The following NPHS1 variants were observed in gnomAD, a reference collection of about 807,000 sequenced individuals.
NPHS1 encodes nephrin.
In NPHS1, 107 loss-of-function variants were observed where a neutral mutation model predicts 139.7. The ratio of observed to expected loss-of-function variants is 0.77; its 90% CI spans 0.66 to 0.90. The LOEUF is 0.90. Among genes scored for constraint, NPHS1 ranks in the 40% least tolerant of loss-of-function variants. NPHS1 has a pLI of 0.00. For missense variants in NPHS1, 1,580 were observed against 1,654.2 expected (o/e 0.96, Z 0.78); for synonymous variants, 707 against 706.6 (o/e 1.00, Z -0.01).
In NPHS1 at chr19:35,831,122, AC is replaced by A; in HGVS notation, c.3411del (p.Tyr1138IlefsTer5). 6.2e-7 allele frequency: 1 copy of A among 1,614,028 alleles called. No homozygotes were observed. The highest frequency in any genetic ancestry group is 2.2e-5 in the East Asian group (1 of 44,874). Reference protein sequence around the residue: ...SSTVSTTEAEPYYRSLRDFSP... With the variant: ...SSTVSTTEAEXYYRSLRDFSP... ...CTGAAGTCCCTCAGGGAGCGGTAAT[AC>A]GGCTCTGCCTCTGTTGTGCTGACCT... On this transcript the variant is annotated frameshift_variant, in exon 27 of 29. Transcript: ENST00000378910. LOFTEE classifies it high-confidence loss of function.
In NPHS1 at chr19:35,841,336, G is replaced by A. The variant is rs145827417; in HGVS notation, c.2815+379C>T. On this transcript the variant is annotated intron_variant, in intron 20 of 28. Coordinates refer to ENST00000378910, the MANE Select transcript of NPHS1 (RefSeq NM_004646.4). ...TGCAGTGAGCCAAGATCGCGCCATC[G>A]CACTCCAGCCTGGGTGACAAGAGTG... 2.4e-4 allele frequency among the ~76,000 whole-genome samples: 36 copies of A among 152,166 alleles called. No homozygotes were observed. The East Asian group carries it at 3.3e-3, about 14-fold the overall frequency.
rs386833959 is a variant in NPHS1 at position 35,849,340 on chromosome 19, C to T, written c.736G>A (p.Glu246Lys). 1.6e-5 allele frequency: 26 copies of T among 1,612,504 alleles called. No homozygotes were observed. The highest frequency in any genetic ancestry group is 1.1e-4 in the East Asian group (5 of 44,890). The change falls in exon 7 of 29, where the codon GAG becomes AAG. Residue 246 changes from glutamate to lysine, a missense_variant. Physicochemically the swap from Glu to Lys is moderately conservative, Grantham distance 56. Coordinates refer to ENST00000378910, the MANE Select transcript of NPHS1 (RefSeq NM_004646.4). The part of the protein sequence containing the change: ...VLFPPGPPVI[E>K]WPGLDEGHVR... ...TGCCCCTCATCCAGGCCTGGCCACTCGATGACAGGGGGTCCTGGAGGGACT... is the reference window on the plus strand; with the variant it reads ...TGCCCCTCATCCAGGCCTGGCCACTTGATGACAGGGGGTCCTGGAGGGACT...
At chr19:35,831,995 C>T (rs574900198) in intron 23 of NPHS1, among the ~76,000 whole-genome samples, 8 of 152,304 alleles carry the variant, frequency 5.3e-5, no homozygotes, top group South Asian at 2.1e-4. Flanking sequence ...AAACTCAGAA[C>T]GGAACTCTGG....
In NPHS1 at chr19:35,825,746, T is replaced by A. The variant is rs531022050; in HGVS notation, c.*768A>T. Among the ~76,000 whole-genome samples the A allele has an allele frequency of 8.3e-4, 127 of 152,336 alleles. No homozygotes were observed. Among genetic ancestry groups the A allele is most frequent in the African/African-American group, 2.9e-3 (122 of 41,582 alleles). On this transcript the variant is annotated 3_prime_UTR_variant, in exon 29 of 29. Coordinates refer to ENST00000378910, the MANE Select transcript of NPHS1 (RefSeq NM_004646.4). ...TACATGTGTCATAGTTTATGCCTCC[T>A]GTGTTAGATAACTGTCGGAAATAAT...
At chr19:35,829,118 T>G (rs1283343528) in intron 28 of NPHS1, among the ~76,000 whole-genome samples, 1 of 152,240 alleles carries the variant, frequency 6.6e-6, no homozygotes, top group Non-Finnish European at 1.5e-5. Flanking sequence ...CTGTGAGCTC[T>G]CTGTCCCTCT....
rs573178178 is a variant in NPHS1 at position 35,844,483 on chromosome 19, G to T, written c.1931-24C>A. 22 of 1,548,094 alleles carry T rather than the reference G, an allele frequency of 1.4e-5. No homozygotes were observed. The African/African-American group carries it at 2.6e-4, about 18-fold the overall frequency. On this transcript the variant is annotated intron_variant, in intron 14 of 28. Transcript: ENST00000378910. Reference sequence around the variant, plus strand: ...GTCTTCAGAGGGGGCGCCGCAGGGAGTCAAGATTGTTGTTAAGGTTAGGGT... The same window carrying T: ...GTCTTCAGAGGGGGCGCCGCAGGGATTCAAGATTGTTGTTAAGGTTAGGGT...
In NPHS1 at chr19:35,830,865, G is replaced by A; in HGVS notation, c.3573C>T (p.Pro1191=). ...RTYPPSGAWG[P]LYDEVQMGPW... ...TCACCATCTGCACTTCATCGTAGAG[G>A]GGTCCCCAGGCTCCAGACGGGGGGT... Residue 1191 remains proline, a synonymous_variant, in exon 28 of 29, where the codon CCC becomes CCT. Coordinates refer to ENST00000378910, the MANE Select transcript of NPHS1 (RefSeq NM_004646.4). 1.2e-6 allele frequency: 2 copies of A among 1,611,510 alleles called. No homozygotes were observed. The highest frequency in any genetic ancestry group is 1.7e-6 in the Non-Finnish European group (2 of 1,177,582).
At chr19:35,834,445 CTA>C (rs1317051383) in intron 23 of NPHS1, among the ~76,000 whole-genome samples, 7 of 152,166 alleles carry the variant, frequency 4.6e-5, no homozygotes, top group Non-Finnish European at 8.8e-5. Context: ...AAGAATGTTG[CTA>C]TAAGCACCCA....
chr19:35,845,911 G>C lies in NPHS1; in HGVS notation c.1627+97C>G. 1.3e-6 allele frequency: 2 copies of C among 1,521,572 alleles called. No homozygotes were observed. The highest frequency in any genetic ancestry group is 8.8e-7 in the Non-Finnish European group (1 of 1,130,876). 94.3% of individuals were successfully genotyped at this position (1,521,572 alleles called of 1,614,324 possible). A position where few individuals can be genotyped will look rare whatever the true frequency, so the allele number is the denominator to read the frequency against. ...GTCTCGGGTCCCCCACCCCGCCTCC[G>C]CCCGCTTTCCCCGGGTCCAGGGTTC... On this transcript the variant is annotated intron_variant, in intron 12 of 28. Transcript: ENST00000378910. This position sits in a 1 kb window ranked among gnomAD's most constrained non-coding sequence, Gnocchi z 5.5.
rs1665396381 is a variant in NPHS1, at chr19:35,826,426, A to G, written c.*88T>C. On this transcript the variant is annotated 3_prime_UTR_variant, in exon 29 of 29. Transcript: ENST00000378910. ...AGTCCCTTTGGGTTTTATGGAGCTC[A>G]CCTAACCAGCTCGGCCCAGGCTGTA... 1 of 1,540,246 alleles carries G rather than the reference A, an allele frequency of 6.5e-7. No individual in the cohort carries two copies.
chr19:35,835,559 G>T, intron 23 of NPHS1, 146 bp downstream of exon 23: 1 of 770,650 alleles, frequency 1.3e-6, no homozygotes, highest in Non-Finnish European at 2.3e-6. Context: ...GCCTCCCAAA[G>T]TGTTGGGATT....
At position 35,845,551 on chromosome 19, in the gene NPHS1, G is replaced by C. The variant is rs145554982; in HGVS notation, c.1758-11C>G. 8.8e-3 allele frequency: 14,233 copies of C among 1,611,298 alleles called. 109 individuals are homozygous for C. Among genetic ancestry groups the C allele is most frequent in the Non-Finnish European group, 9.5e-3 (11,167 of 1,178,882 alleles). On this transcript the variant is annotated splice_polypyrimidine_tract_variant and intron_variant, in intron 13 of 28. Coordinates refer to ENST00000378910, the MANE Select transcript of NPHS1 (RefSeq NM_004646.4). The surrounding 1 kb of genome is among the most constrained non-coding windows in gnomAD (Gnocchi z 5.5). ...GCCACGCCCTCCAGCCTGTGGAACC[G>C]GGGTCAAGCCAGGGCTGCGAGCGGA...
At chr19:35,844,265 G>A in intron 15 of NPHS1, 22 bp from the exon 16 acceptor site, 1 of 1,613,710 alleles carries the variant, frequency 6.2e-7, no homozygotes, top group South Asian at 1.1e-5. Flanking sequence ...CAGAATAAGG[G>A]ACCTGGCAGG....
chr19:35,839,278 C>A lies in NPHS1; in HGVS notation c.3068G>T (p.Gly1023Val), dbSNP rs774878915. ...LLASNALGDS[G>V]LADKGTQLPI... Reference sequence around the variant, plus strand: ...AAGCTGGGTCCCTTTGTCAGCCAGTCCACTGTCCCCCAAGGCATTACTGGC... The same window carrying A: ...AAGCTGGGTCCCTTTGTCAGCCAGTACACTGTCCCCCAAGGCATTACTGGC... Residue 1023 changes from glycine to valine, a missense_variant, in exon 22 of 29, where the codon GGA (glycine) becomes GTA (valine). Transcript: ENST00000378910. The A allele has an allele frequency of 2.5e-6, 4 of 1,614,220 alleles. No individual in the cohort carries two copies. The highest frequency in any genetic ancestry group is 3.4e-6 in the Non-Finnish European group (4 of 1,180,044).
At chr19:35,831,579 A>T (rs1376749900) in intron 24 of NPHS1, 64 bp downstream of exon 24, 1 of 1,611,436 alleles carries the variant, frequency 6.2e-7, no homozygotes, top group East Asian at 2.2e-5. Flanking sequence ...TTCAGTATGC[A>T]GCAACCACAG....
At chr19:35,836,563 G>A (rs780189108) in intron 22 of NPHS1, among the ~76,000 whole-genome samples, 2 of 152,100 alleles carry the variant, frequency 1.3e-5, no homozygotes, top group Non-Finnish European at 2.9e-5. Flanking sequence ...GGAGGCAAGT[G>A]TCATACTTTA....
intron 23 of NPHS1, 124 bp downstream of exon 23, chr19:35,835,581 C>T (rs1224425850): frequency 2.5e-5 from 22 of 890,774 alleles, no homozygotes; most frequent in Admixed American, 1.0e-4. Flanking sequence ...CAGGCGTGAG[C>T]GACTGAGCTT....
Position 35,826,420 on chromosome 19 carries a change from G to A in NPHS1, c.*94C>T. 6.7e-7 allele frequency: 1 copy of A among 1,488,478 alleles called. No homozygotes were observed. The highest frequency in any genetic ancestry group is 1.7e-5 in the Admixed American group (1 of 59,478). 92.2% of individuals were successfully genotyped at this position (1,488,478 alleles called of 1,614,324 possible). A position where few individuals can be genotyped will look rare whatever the true frequency, so the allele number is the denominator to read the frequency against. The stretch of plus-strand genomic sequence containing the variant: ...ACACCAAGTCCCTTTGGGTTTTATG[G>A]AGCTCACCTAACCAGCTCGGCCCAG... On this transcript the variant is annotated 3_prime_UTR_variant, in exon 29 of 29. Coordinates refer to ENST00000378910, the MANE Select transcript of NPHS1 (RefSeq NM_004646.4).
rs760024099 is a variant in NPHS1, at chr19:35,844,167, G to A, written c.2148C>T (p.Leu716=). Residue 716 remains leucine (L), a synonymous_variant, in exon 16 of 29, where the codon CTC becomes CTT. Coordinates refer to ENST00000378910, the MANE Select transcript of NPHS1 (RefSeq NM_004646.4). ...CAGAGTTCTGGCAGTGCAGCTGATA[G>A]AGGCCGTCGTCCGCGCGGGTCACAT... is the stretch of plus-strand genomic sequence containing the variant. ...LWNVTRADDG[L]YQLHCQNSEG... is the part of the protein sequence containing the mutation. 23 of 1,610,940 alleles carry A rather than the reference G, an allele frequency of 1.4e-5. No homozygotes were observed. In the African/African-American group the frequency reaches 2.5e-4, roughly 18 times the overall value.
Sources: allele counts gnomAD v4.1 joint callset (sites outside exome capture counted in the v4.1 genomes callset), GRCh38; gene constraint gnomAD v4.1.1; non-coding constraint Gnocchi (gnomAD v3.1); transcripts MANE v1.5; gene names NCBI Gene and HGNC (gene_info 2026-07-23, HGNC 2026-07-21).